ST8SIA6: variants seen among roughly 807,000 people sequenced by gnomAD.
The protein encoded by ST8SIA6 is alpha-2,8-sialyltransferase 8F.
Under a neutral mutation model 33.6 loss-of-function variants are expected in ST8SIA6, and 39 were observed. The ratio of observed to expected loss-of-function variants is 1.16; its 90% CI spans 0.90 to 1.52. The LOEUF (loss-of-function observed/expected upper bound fraction) is 1.52, where lower values mean the gene tolerates loss of function less well. Among genes scored for constraint, ST8SIA6 ranks in the 40% most tolerant of loss-of-function variants. The pLI, the probability that ST8SIA6 is intolerant of heterozygous loss-of-function variation, is 0.00. For missense variants in ST8SIA6, 441 were observed against 443.8 expected (o/e 0.99, Z 0.06); for synonymous variants, 172 against 167.2 (o/e 1.03, Z -0.22).
intron 4 of ST8SIA6, among the ~76,000 whole-genome samples, chr10:17,352,764 G>A (rs1379546559): frequency 6.6e-6 from 1 of 152,142 alleles, no homozygotes; most frequent in South Asian, 2.1e-4. Context: ...TATTAAATAC[G>A]GAAGAAGTAA....
intron 2 of ST8SIA6, among the ~76,000 whole-genome samples, chr10:17,404,547 A>G (rs1417354263): frequency 6.6e-6 from 1 of 152,186 alleles, no homozygotes; most frequent in Non-Finnish European, 1.5e-5. Flanking sequence ...CAGTTTGGCC[A>G]GAATCCCCTA....
intron 3 of ST8SIA6, among the ~76,000 whole-genome samples, chr10:17,368,004 C>A (rs1849608256): frequency 2.0e-5 from 3 of 152,066 alleles, no homozygotes; most frequent in Admixed American, 2.0e-4. Context: ...AGCACTTATC[C>A]TTTTATTTTC....
At chr10:17,387,310 G>A (rs1186611641) in intron 3 of ST8SIA6, among the ~76,000 whole-genome samples, 1 of 151,626 alleles carries the variant, frequency 6.6e-6, no homozygotes, top group Non-Finnish European at 1.5e-5. Flanking sequence ...GGAGTGCAGT[G>A]GCGTGATCTT....
At chr10:17,417,704 C>A (rs952781755) in intron 2 of ST8SIA6, among the ~76,000 whole-genome samples, 1 of 152,162 alleles carries the variant, frequency 6.6e-6, no homozygotes, top group Non-Finnish European at 1.5e-5. Context: ...CCAAAATAAG[C>A]CCCTAATTGC....
chr10:17,353,407 A>T (rs1736420438), intron 4 of ST8SIA6, among the ~76,000 whole-genome samples: 1 of 152,206 alleles, frequency 6.6e-6, no homozygotes, highest in African/African-American at 2.4e-5. Context: ...TGTAAATGTC[A>T]TATAGCTGAA....
At chr10:17,386,429 C>T (rs1850350509) in intron 3 of ST8SIA6, among the ~76,000 whole-genome samples, 1 of 152,040 alleles carries the variant, frequency 6.6e-6, no homozygotes, top group African/African-American at 2.4e-5. Flanking sequence ...GTCCCAGCTA[C>T]TGGGGAGACT....
intron 2 of ST8SIA6, among the ~76,000 whole-genome samples, chr10:17,410,862 A>C (rs1354912247): frequency 6.6e-6 from 1 of 152,212 alleles, no homozygotes; most frequent in Non-Finnish European, 1.5e-5. Flanking sequence ...CCATATTTAA[A>C]ATGATGTTAC....
In ST8SIA6 at chr10:17,356,389, CT is replaced by C. The variant is rs56763058; in HGVS notation, c.377+3124del. 2.2e-3 allele frequency among the ~76,000 whole-genome samples: 320 copies of C among 142,372 alleles called. 1 individual carries two copies. The highest frequency in any genetic ancestry group is 3.3e-3 in the South Asian group (15 of 4,510). 93.4% of individuals were successfully genotyped at this position (142,372 alleles called of 152,430 possible). A position where few individuals can be genotyped will look rare whatever the true frequency, so the allele number is the denominator to read the frequency against. On this transcript the variant is annotated intron_variant, in intron 4 of 7. Transcript: ENST00000377602. ...AATGTATTATAGCCCCAGAGGTTTACTTTTTTTTTTTTTTTGAGGTGGAGTC... is the reference window on the plus strand; with the variant it reads ...AATGTATTATAGCCCCAGAGGTTTACTTTTTTTTTTTTTTGAGGTGGAGTC...
intron 2 of ST8SIA6, among the ~76,000 whole-genome samples, chr10:17,426,135 C>T (rs974263511): frequency 1.3e-5 from 2 of 152,178 alleles, no homozygotes; most frequent in African/African-American, 4.8e-5. Context: ...GCCAGCCTCC[C>T]ACAGCCCCTG....
chr10:17,435,142 T>C (rs1852212706), intron 2 of ST8SIA6, among the ~76,000 whole-genome samples: 1 of 152,230 alleles, frequency 6.6e-6, no homozygotes, highest in Admixed American at 6.5e-5. Flanking sequence ...TCATTAAGTT[T>C]GACTTCGTAA....
chr10:17,349,219 G>T (rs1848952649), intron 4 of ST8SIA6, among the ~76,000 whole-genome samples: 1 of 152,180 alleles, frequency 6.6e-6, no homozygotes, highest in Non-Finnish European at 1.5e-5. Context: ...TCCTTACCAA[G>T]AACGTGGTAT....
At chr10:17,419,926 A>C (rs759467303) in intron 2 of ST8SIA6, among the ~76,000 whole-genome samples, 1 of 152,318 alleles carries the variant, frequency 6.6e-6, no homozygotes, top group African/African-American at 2.4e-5. Flanking sequence ...AATTTGAAAG[A>C]TGCTTTCCTA....
intron 4 of ST8SIA6, among the ~76,000 whole-genome samples, chr10:17,342,918 C>T (rs1234360482): frequency 6.6e-6 from 1 of 152,172 alleles, no homozygotes; most frequent in Non-Finnish European, 1.5e-5. Context: ...CACCATGCTC[C>T]AGCCTGGGTG....
intron 6 of ST8SIA6, 35 bp downstream of exon 6, chr10:17,326,978 CT>C (rs2131579912): frequency 6.9e-7 from 1 of 1,443,952 alleles, no homozygotes; most frequent in East Asian, 2.3e-5. Context: ...CCCAACTGAT[CT>C]ATTGTTTCAA....
At chr10:17,409,286 A>C (rs746569) in intron 2 of ST8SIA6, 2 of 152,454 alleles carry the variant, frequency 1.3e-5, no homozygotes, top group African/African-American at 4.8e-5. Context: ...CTATAGCTCA[A>C]CTTTTACATA....
intron 2 of ST8SIA6, among the ~76,000 whole-genome samples, chr10:17,392,836 G>A (rs571686477): frequency 5.3e-5 from 8 of 152,310 alleles, no homozygotes; most frequent in Admixed American, 3.3e-4. Context: ...CTGGAGGCCC[G>A]TCTAGGGCAG....
At chr10:17,401,809 A>T (rs1393851108) in intron 2 of ST8SIA6, among the ~76,000 whole-genome samples, 2 of 152,202 alleles carry the variant, frequency 1.3e-5, no homozygotes, top group Non-Finnish European at 2.9e-5. Context: ...TCAATGTTAG[A>T]CCTAAAACCA....
chr10:17,444,932 G>C (rs1057208964), intron 2 of ST8SIA6, among the ~76,000 whole-genome samples: 1 of 152,194 alleles, frequency 6.6e-6, no homozygotes, highest in African/African-American at 2.4e-5. Context: ...ACTCAAGGCA[G>C]CTTTAAAGCA....
intron 2 of ST8SIA6, among the ~76,000 whole-genome samples, chr10:17,416,270 G>A (rs1851604223): frequency 6.6e-6 from 1 of 151,944 alleles, no homozygotes; most frequent in Non-Finnish European, 1.5e-5. Context: ...CTAAATGTGG[G>A]AATACCCTAG....
Sources: allele counts gnomAD v4.1 joint callset (sites outside exome capture counted in the v4.1 genomes callset), GRCh38; gene constraint gnomAD v4.1.1; transcripts MANE v1.5; gene names NCBI Gene and HGNC (gene_info 2026-07-23, HGNC 2026-07-21).